Variants in HAPLN1 observed in about 807,000 individuals in gnomAD.
HAPLN1 encodes the protein Cartilage link protein.
A neutral mutation model predicts 36.5 loss-of-function variants in HAPLN1; 13 were observed. That is an observed-to-expected ratio of 0.36 (90% CI 0.23 to 0.57). The LOEUF is 0.57. Among genes scored for constraint, HAPLN1 ranks in the 20% least tolerant of loss-of-function variants. The pLI, the probability that HAPLN1 is intolerant of heterozygous loss-of-function variation, is 0.83. For synonymous variants in HAPLN1, 202 were observed against 169.8 expected, an observed-to-expected ratio of 1.19 and a Z score of -1.48; for missense variants, 407 against 439.7, an observed-to-expected ratio of 0.93 and a Z score of 0.66.
At chr5:83,686,541 C>T (rs909692730) in intron 1 of HAPLN1, among the ~76,000 whole-genome samples, 3 of 152,136 alleles carry the variant, frequency 2.0e-5, no homozygotes, top group Non-Finnish European at 4.4e-5. Context: ...GGATCAATGT[C>T]GCTAAACTTC....
At chr5:83,648,304 G>A (rs10474109) in intron 3 of HAPLN1, among the ~76,000 whole-genome samples, 88,841 of 146,498 alleles carry the variant, frequency 0.61, 27,067 homozygotes, top group South Asian at 0.68. Context: ...TGTCAGTATG[G>A]TTATATGGAC....
intron 2 of HAPLN1, among the ~76,000 whole-genome samples, chr5:83,667,596 A>G (rs956576533): frequency 6.6e-6 from 1 of 152,230 alleles, no homozygotes; most frequent in African/African-American, 2.4e-5. Context: ...GAATTGATGT[A>G]GCTTTTCCAA....
At chr5:83,711,417 G>A (rs1751782720) in intron 1 of HAPLN1, among the ~76,000 whole-genome samples, 1 of 152,194 alleles carries the variant, frequency 6.6e-6, no homozygotes, top group Admixed American at 6.5e-5. Flanking sequence ...GAGGACGGGG[G>A]CAGTTAGATT....
chr5:83,709,361 T>C (rs1751725054), intron 1 of HAPLN1, among the ~76,000 whole-genome samples: 1 of 152,246 alleles, frequency 6.6e-6, no homozygotes. Context: ...ATAAAGCCTA[T>C]GTCTGAAAAG....
At chr5:83,686,142 C>CAAAAAAAAAAAAAAAAAAAAAAAA (rs535353958) in intron 1 of HAPLN1, 2 of 81,642 alleles carry the variant, frequency 2.4e-5, no homozygotes, top group Non-Finnish European at 4.7e-5. Flanking sequence ...AAAATGTAGC[C>CAAAAAAAAAAAAAAAAAAAAAAAA]AAAAAAAAAA....
At chr5:83,702,405 C>T (rs1751528135) in intron 1 of HAPLN1, among the ~76,000 whole-genome samples, 1 of 152,114 alleles carries the variant, frequency 6.6e-6, no homozygotes, top group Non-Finnish European at 1.5e-5. Context: ...CAAACTGCTT[C>T]CAGAATTTTG....
chr5:83,712,106 T>A (rs886692231), intron 1 of HAPLN1, among the ~76,000 whole-genome samples: 7 of 152,206 alleles, frequency 4.6e-5, no homozygotes, highest in Admixed American at 1.3e-4. Context: ...ATATTAATCA[T>A]GTAAGGATGA....
intron 2 of HAPLN1, among the ~76,000 whole-genome samples, chr5:83,669,768 C>G (rs922964804): frequency 6.6e-6 from 1 of 152,164 alleles, no homozygotes. Flanking sequence ...AGTATTGGCT[C>G]TTGGGAACCA....
At chr5:83,681,382 T>C (rs1750994735) in intron 1 of HAPLN1, among the ~76,000 whole-genome samples, 1 of 152,200 alleles carries the variant, frequency 6.6e-6, no homozygotes, top group African/African-American at 2.4e-5. Flanking sequence ...AGGAATGTTC[T>C]GGGAATTATC....
intron 1 of HAPLN1, among the ~76,000 whole-genome samples, chr5:83,698,402 A>C (rs1000105715): frequency 6.6e-6 from 1 of 151,962 alleles, no homozygotes; most frequent in Non-Finnish European, 1.5e-5. Context: ...ATTTTTAAAA[A>C]CTCTTTGCAT....
chr5:83,692,204 G>A (rs748373650), intron 1 of HAPLN1, among the ~76,000 whole-genome samples: 3 of 151,714 alleles, frequency 2.0e-5, no homozygotes, highest in Non-Finnish European at 4.4e-5. Context: ...GAGAGAAGGG[G>A]CAGAAAAAAA....
Position 83,648,501 on chromosome 5 carries a change from G to A in HAPLN1, c.473-3836C>T, listed in dbSNP as rs1420040707. Among the ~76,000 whole-genome samples, 3 of 141,764 alleles carry A rather than the reference G, an allele frequency of 2.1e-5. No homozygotes were observed. The East Asian group carries it at 6.4e-4, about 30-fold the overall frequency. 93.0% of individuals were successfully genotyped at this position (141,764 alleles called of 152,430 possible). A position where few individuals can be genotyped will look rare whatever the true frequency, so the allele number is the denominator to read the frequency against. ...GATATATATATGGCTTGAATCCAAG[G>A]CAGAATAAAAGCTTGTAATACAAAT... On this transcript the variant is annotated intron_variant, in intron 3 of 4. Coordinates refer to ENST00000274341, the MANE Select transcript of HAPLN1 (RefSeq NM_001884.4).
intron 4 of HAPLN1, among the ~76,000 whole-genome samples, chr5:83,642,965 A>C (rs1445447841): frequency 6.6e-6 from 1 of 152,158 alleles, no homozygotes; most frequent in Non-Finnish European, 1.5e-5. Context: ...ATTTACAATG[A>C]GCCTTTGCAG....
intron 1 of HAPLN1, among the ~76,000 whole-genome samples, chr5:83,720,357 A>T (rs747946092): frequency 1.3e-4 from 20 of 152,208 alleles, no homozygotes; most frequent in Non-Finnish European, 2.8e-4. Flanking sequence ...ACATAACCCT[A>T]TATATTCTCT....
intron 3 of HAPLN1, chr5:83,652,161 T>C (rs867959822): frequency 2.4e-5 from 9 of 372,556 alleles, no homozygotes; most frequent in African/African-American, 1.9e-4. Flanking sequence ...TAATGGAATT[T>C]AGATGATTTT....
rs1749632018 is a variant in HAPLN1 at position 83,639,925 on chromosome 5, C to T, written c.*1571G>A. 2 of 152,194 alleles carry T rather than the reference C, an allele frequency of 1.3e-5. No homozygotes were observed. The highest frequency in any genetic ancestry group is 6.8e-3 in the Middle Eastern group (2 of 294). 9.4% of individuals were successfully genotyped at this position (152,194 alleles called of 1,614,324 possible). ...TTCCAATTGTTCTATACCTTCCACACACAGAACTCTATAGAGTAAATTTAT... is the reference window on the plus strand; with the variant it reads ...TTCCAATTGTTCTATACCTTCCACATACAGAACTCTATAGAGTAAATTTAT... On this transcript the variant is annotated 3_prime_UTR_variant, in exon 5 of 5. Coordinates refer to ENST00000274341, the MANE Select transcript of HAPLN1 (RefSeq NM_001884.4).
intron 2 of HAPLN1, among the ~76,000 whole-genome samples, chr5:83,660,416 C>T (rs545853703): frequency 2.1e-4 from 32 of 152,202 alleles, no homozygotes; most frequent in African/African-American, 6.3e-4. Context: ...TCCTTGCCCC[C>T]GCAAAGGATA....
At chr5:83,657,264 T>C (rs1203121093) in intron 2 of HAPLN1, among the ~76,000 whole-genome samples, 1 of 151,964 alleles carries the variant, frequency 6.6e-6, no homozygotes, top group Non-Finnish European at 1.5e-5. Context: ...CCCTGCTAAT[T>C]TTTTGTATTT....
chr5:83,689,223 G>T lies in HAPLN1; in HGVS notation c.-26-15674C>A, dbSNP rs186048541. Among the ~76,000 whole-genome samples, 36 of 152,188 alleles carry T rather than the reference G, an allele frequency of 2.4e-4. 1 individual carries two copies. Among genetic ancestry groups the T allele is most frequent in the Admixed American group, 1.7e-3 (26 of 15,292 alleles). ...TATTTGGAAGGGTAGGGTGAGGAGC[G>T]TTAGGGATCGGTGGATTTAGCTAAG... On this transcript the variant is annotated intron_variant, in intron 1 of 4. Coordinates refer to ENST00000274341, the MANE Select transcript of HAPLN1 (RefSeq NM_001884.4).
Sources: allele counts gnomAD v4.1 joint callset (sites outside exome capture counted in the v4.1 genomes callset), GRCh38; gene constraint gnomAD v4.1.1; transcripts MANE v1.5; gene names NCBI Gene and HGNC (gene_info 2026-07-23, HGNC 2026-07-21).